The following TNS4 variants were observed in gnomAD, a reference collection of about 807,000 sequenced individuals.
TNS4 encodes tensin-4.
Under a neutral mutation model 70.4 loss-of-function variants are expected in TNS4, and 46 were observed. The ratio of observed to expected loss-of-function variants is 0.65; its 90% confidence interval spans 0.52 to 0.84. The LOEUF is 0.84. Among genes scored for constraint, TNS4 ranks in the 40% least tolerant of loss-of-function variants. The pLI is 0.00. For synonymous variants in TNS4, 390 were observed against 366.6 expected, an observed-to-expected ratio of 1.06 and a Z score of -0.73; for missense variants, 863 against 907.0, an observed-to-expected ratio of 0.95 and a Z score of 0.62.
chr17:40,498,048 T>C (rs1001491254), intron 1 of TNS4, among the ~76,000 whole-genome samples: 1 of 152,206 alleles, frequency 6.6e-6, no homozygotes, highest in Non-Finnish European at 1.5e-5. Context: ...AGAGCTGCAA[T>C]GTGCTGGTTA....
At chr17:40,498,277 T>C (rs1222499609) in intron 1 of TNS4, among the ~76,000 whole-genome samples, 2 of 152,232 alleles carry the variant, frequency 1.3e-5, no homozygotes, top group Non-Finnish European at 2.9e-5. Flanking sequence ...TAGCTCCTTA[T>C]GGTGTGACTC....
rs761939549 is a variant in TNS4, at chr17:40,488,633, C to A, written c.776G>T (p.Arg259Leu). 5.9e-6 allele frequency: 9 copies of A among 1,529,046 alleles called. No individual in the cohort carries two copies. The highest frequency in any genetic ancestry group is 7.9e-6 in the Non-Finnish European group (9 of 1,138,406). 94.7% of individuals were successfully genotyped at this position (1,529,046 alleles called of 1,614,324 possible). The change falls in exon 3 of 13, where the codon CGG becomes CTG. Residue 259 changes from arginine to leucine, a missense_variant. Transcript: ENST00000254051. ...PLVASPRLEKRLGGLAPQRGS... is the reference protein window; with the variant it reads ...PLVASPRLEKLLGGLAPQRGS... ...CCGCTGTGGGGCCAGGCCTCCCAGC[C>A]GCTTCTCCAGTCTTGGAGAAGCCAC...
At chr17:40,486,831 C>T (rs2035995023) in intron 4 of TNS4, among the ~76,000 whole-genome samples, 1 of 152,148 alleles carries the variant, frequency 6.6e-6, no homozygotes, top group African/African-American at 2.4e-5. Flanking sequence ...TATCTCTTTA[C>T]CTCCGCGTTT....
intron 2 of TNS4, among the ~76,000 whole-genome samples, chr17:40,495,780 C>T (rs1052121972): frequency 2.0e-5 from 3 of 152,180 alleles, no homozygotes; most frequent in Non-Finnish European, 4.4e-5. Context: ...TTTCCAAACT[C>T]AGGAACCAAA....
intron 2 of TNS4, among the ~76,000 whole-genome samples, chr17:40,489,575 A>G (rs1156540191): frequency 3.3e-5 from 5 of 152,152 alleles, no homozygotes; most frequent in Non-Finnish European, 7.3e-5. Context: ...TGGGAGGCCT[A>G]GGCGGGTGGA....
chr17:40,488,416 T>C (rs2036020469), intron 3 of TNS4, 130 bp downstream of exon 3: 2 of 799,758 alleles, frequency 2.5e-6, no homozygotes, highest in Admixed American at 2.8e-5. Flanking sequence ...AAAGCAAACA[T>C]TTGCTTCTGG....
chr17:40,496,060 C>T lies in TNS4; in HGVS notation c.366G>A (p.Gly122=), dbSNP rs778227382. ...LDPTFQLLPP[G]TGGSQAELAQ... ...CCAGCTCAGCCTGGGAGCCCCCAGT[C>T]CCTGGGGGAAGCAGCTGGAAGGTGG... is the stretch of plus-strand genomic sequence containing the variant. Residue 122 remains glycine (G), a synonymous_variant, in exon 2 of 13, where the codon GGG becomes GGA. Coordinates refer to ENST00000254051, the MANE Select transcript of TNS4 (RefSeq NM_032865.6). 3.1e-6 allele frequency: 5 copies of T among 1,613,242 alleles called. No individual in the cohort carries two copies. In the South Asian group the frequency reaches 5.5e-5, roughly 18 times the overall value.
intron 1 of TNS4, among the ~76,000 whole-genome samples, chr17:40,500,736 C>T (rs914932941): frequency 2.6e-5 from 4 of 152,190 alleles, no homozygotes; most frequent in African/African-American, 9.6e-5. Context: ...AGCACTTTGC[C>T]TCATTAGCCC....
At chr17:40,478,228 A>G in intron 12 of TNS4, 79 bp downstream of exon 12, 1 of 1,584,172 alleles carries the variant, frequency 6.3e-7, no homozygotes, top group Non-Finnish European at 8.7e-7. Context: ...TTGGACTATT[A>G]AAGTCAGAAT....
chr17:40,491,114 C>T (rs1044195780), intron 2 of TNS4, among the ~76,000 whole-genome samples: 11 of 152,220 alleles, frequency 7.2e-5, no homozygotes, highest in African/African-American at 2.7e-4. Context: ...GAAAGCACAA[C>T]TTCAATTTTT....
intron 8 of TNS4, chr17:40,480,987 C>A: frequency 1.9e-6 from 1 of 532,062 alleles, no homozygotes; most frequent in Non-Finnish European, 3.3e-6. Flanking sequence ...TCTCTTCATC[C>A]CCTCCTCGCC....
intron 1 of TNS4, among the ~76,000 whole-genome samples, chr17:40,500,273 A>G (rs540582330): frequency 6.6e-6 from 1 of 152,232 alleles, no homozygotes; most frequent in African/African-American, 2.4e-5. Context: ...AGCAAAGGGC[A>G]GGCAGCCCCT....
intron 2 of TNS4, among the ~76,000 whole-genome samples, chr17:40,491,614 C>T (rs1053374141): frequency 6.6e-6 from 1 of 151,670 alleles, no homozygotes; most frequent in Non-Finnish European, 1.5e-5. Context: ...CTCACTGGGC[C>T]ATTGAAACAT....
Position 40,482,187 on chromosome 17 carries a change from C to A in TNS4, c.1614G>T (p.Val538=), listed in dbSNP as rs534739496. The A allele has an allele frequency of 6.8e-6, 11 of 1,614,190 alleles. No homozygotes were observed. In the East Asian group the frequency reaches 2.5e-4, roughly 36 times the overall value. The part of the protein sequence containing the change: ...EPYFGSLSAF[V]CQHSIMALAL... ...CCAGGGCCATGATGGAATGCTGGCA[C>A]ACGAAGGCAGAGAGGCTCCCTGAAA... The change falls in exon 8 of 13, where the codon GTG becomes GTT. Residue 538 remains valine, a synonymous_variant. Coordinates refer to ENST00000254051, the MANE Select transcript of TNS4 (RefSeq NM_032865.6).
At chr17:40,480,336 G>C (rs1200217399) in intron 9 of TNS4, among the ~76,000 whole-genome samples, 1 of 152,128 alleles carries the variant, frequency 6.6e-6, no homozygotes, top group Non-Finnish European at 1.5e-5. Flanking sequence ...GAAGGCTCCA[G>C]GACTTAGACC....
At chr17:40,495,715 TC>T (rs1201301502) in intron 2 of TNS4, among the ~76,000 whole-genome samples, 5 of 152,112 alleles carry the variant, frequency 3.3e-5, no homozygotes, top group African/African-American at 1.2e-4. Flanking sequence ...CAAAACACTT[TC>T]CATAGGAGCT....
Position 40,477,042 on chromosome 17 carries a change from C to G in TNS4, c.*546G>C, listed in dbSNP as rs1231058028. 6.6e-6 allele frequency: 1 copy of G among 152,358 alleles called. No individual in the cohort carries two copies. Among genetic ancestry groups the G allele is most frequent in the East Asian group, 1.9e-4 (1 of 5,184 alleles). 9.4% of individuals were successfully genotyped at this position (152,358 alleles called of 1,614,324 possible). A position where few individuals can be genotyped will look rare whatever the true frequency, so the allele number is the denominator to read the frequency against. On this transcript the variant is annotated 3_prime_UTR_variant, in exon 13 of 13. Coordinates refer to ENST00000254051, the MANE Select transcript of TNS4 (RefSeq NM_032865.6). The stretch of plus-strand genomic sequence containing the variant: ...TGGCTGGGTGGACCCAAAAAGCCAC[C>G]CAGAAAGTGGGAAAAGGAACAGAGG...
intron 2 of TNS4, among the ~76,000 whole-genome samples, chr17:40,491,269 T>C (rs986679634): frequency 2.0e-5 from 3 of 152,212 alleles, no homozygotes; most frequent in Admixed American, 6.5e-5. Flanking sequence ...TACAACGATG[T>C]TTCACAGAGA....
chr17:40,490,820 T>G (rs956769103), intron 2 of TNS4, among the ~76,000 whole-genome samples: 3 of 152,220 alleles, frequency 2.0e-5, no homozygotes, highest in Non-Finnish European at 4.4e-5. Flanking sequence ...TGAGCCTCAG[T>G]TTCCTTATCT....
Sources: allele counts gnomAD v4.1 joint callset (sites outside exome capture counted in the v4.1 genomes callset), GRCh38; gene constraint gnomAD v4.1.1; transcripts MANE v1.5; gene names NCBI Gene and HGNC (gene_info 2026-07-23, HGNC 2026-07-21).